ERBB4: variants seen among roughly 807,000 people sequenced by gnomAD.
The protein encoded by ERBB4 is erb-b2 receptor tyrosine kinase 4, also known as receptor tyrosine-protein kinase erbB-4.
A neutral mutation model predicts 158.0 loss-of-function variants in ERBB4; 42 were observed. That is an observed-to-expected ratio of 0.27 (90% confidence interval 0.21 to 0.34). The LOEUF is 0.34. Among genes scored for constraint, ERBB4 ranks in the 10% least tolerant of loss-of-function variants. The pLI is 1.00. For synonymous variants in ERBB4, 583 were observed against 558.7 expected, an observed-to-expected ratio of 1.04 and a Z score of -0.61; for missense variants, 1,333 against 1,624.1, an observed-to-expected ratio of 0.82 and a Z score of 3.08.
At chr2:212,260,687 C>T (rs558030895) in intron 1 of ERBB4, among the ~76,000 whole-genome samples, 3 of 152,092 alleles carry the variant, frequency 2.0e-5, no homozygotes, top group African/African-American at 7.2e-5. Flanking sequence ...GTGGCGGGTG[C>T]TTGCAATCCA....
intron 3 of ERBB4, among the ~76,000 whole-genome samples, chr2:211,867,485 A>G (rs1036262257): frequency 6.6e-6 from 1 of 152,258 alleles, no homozygotes; most frequent in African/African-American, 2.4e-5. Context: ...TTTAAAATGT[A>G]AGTTTACAAA....
At chr2:212,189,229 T>C (rs555593249) in intron 1 of ERBB4, among the ~76,000 whole-genome samples, 2 of 152,320 alleles carry the variant, frequency 1.3e-5, no homozygotes, top group South Asian at 4.1e-4. Flanking sequence ...CATTTCAGAT[T>C]CTGCATTTTC....
At chr2:211,762,341 T>A (rs2075436226) in intron 4 of ERBB4, among the ~76,000 whole-genome samples, 1 of 152,208 alleles carries the variant, frequency 6.6e-6, no homozygotes. Context: ...GATTTCTGCA[T>A]CCTTTGACAA....
intron 1 of ERBB4, among the ~76,000 whole-genome samples, chr2:212,523,749 C>T (rs1406532652): frequency 1.3e-5 from 2 of 151,934 alleles, no homozygotes; most frequent in African/African-American, 4.8e-5. Context: ...TCAGAAATCA[C>T]AGAACTCAAT....
intron 12 of ERBB4, among the ~76,000 whole-genome samples, chr2:211,685,513 T>C (rs2105979289): frequency 6.6e-6 from 1 of 152,344 alleles, no homozygotes; most frequent in Admixed American, 6.5e-5. Flanking sequence ...ACAGCCTTAA[T>C]TATGGCAGCT....
intron 7 of ERBB4, among the ~76,000 whole-genome samples, chr2:211,718,685 C>A (rs1201049454): frequency 2.6e-5 from 4 of 151,478 alleles, no homozygotes; most frequent in Non-Finnish European, 5.9e-5. Context: ...TACTGATGAG[C>A]AATCATATTC....
chr2:212,083,793 G>C (rs753479200), intron 2 of ERBB4, among the ~76,000 whole-genome samples: 2 of 151,766 alleles, frequency 1.3e-5, no homozygotes, highest in Non-Finnish European at 2.9e-5. Context: ...ATAAACAGAA[G>C]GGAGTTTAGA....
intron 4 of ERBB4, among the ~76,000 whole-genome samples, chr2:211,763,669 G>A (rs1559496914): frequency 6.6e-6 from 1 of 151,872 alleles, no homozygotes; most frequent in Non-Finnish European, 1.5e-5. Flanking sequence ...CTGAGTTTTT[G>A]TTACAGATTG....
intron 24 of ERBB4, 27 bp downstream of exon 24, chr2:211,421,980 T>G (rs1419663631): frequency 6.9e-7 from 1 of 1,456,776 alleles, no homozygotes. Flanking sequence ...TGGCCTAGTC[T>G]TAAAGGCATA....
At chr2:211,578,916 G>A (rs568498550) in intron 19 of ERBB4, among the ~76,000 whole-genome samples, 4 of 151,504 alleles carry the variant, frequency 2.6e-5, no homozygotes, top group African/African-American at 7.2e-5. Context: ...TGAAATCACC[G>A]AAAGCAATTG....
chr2:212,127,449 G>A (rs964911456), intron 1 of ERBB4, among the ~76,000 whole-genome samples: 4 of 151,986 alleles, frequency 2.6e-5, no homozygotes, highest in Admixed American at 6.6e-5. Flanking sequence ...ACAATTAGCC[G>A]GGCCTGGTGG....
intron 20 of ERBB4, among the ~76,000 whole-genome samples, chr2:211,501,510 A>G (rs1005662301): frequency 6.6e-6 from 1 of 151,436 alleles, no homozygotes; most frequent in Non-Finnish European, 1.5e-5. Context: ...AAAAAACAGC[A>G]TAAATCAAGA....
At chr2:212,422,610 C>G (rs756640575) in intron 1 of ERBB4, among the ~76,000 whole-genome samples, 1 of 152,180 alleles carries the variant, frequency 6.6e-6, no homozygotes, top group Non-Finnish European at 1.5e-5. Context: ...TTAGACAATA[C>G]TAACCAACTT....
intron 1 of ERBB4, among the ~76,000 whole-genome samples, chr2:212,168,581 A>G (rs2081419809): frequency 6.6e-6 from 1 of 152,190 alleles, no homozygotes; most frequent in African/African-American, 2.4e-5. Context: ...TCAGCAAATT[A>G]GGATACGAGT....
intron 1 of ERBB4, among the ~76,000 whole-genome samples, chr2:212,151,760 A>G (rs898813983): frequency 6.6e-6 from 1 of 152,178 alleles, no homozygotes; most frequent in East Asian, 1.9e-4. Context: ...ATGGTGGCAC[A>G]TGCTGGTAAT....
intron 1 of ERBB4, among the ~76,000 whole-genome samples, chr2:212,368,162 T>C (rs188681826): frequency 1.2e-3 from 179 of 152,026 alleles, no homozygotes; most frequent in Non-Finnish European, 1.6e-3. Flanking sequence ...AATAGCAAAA[T>C]CGTGGAAGCA....
intron 3 of ERBB4, among the ~76,000 whole-genome samples, chr2:211,934,056 T>C (rs545549007): frequency 3.9e-5 from 6 of 152,040 alleles, no homozygotes; most frequent in Non-Finnish European, 7.4e-5. Flanking sequence ...TGCGTTTCAA[T>C]AATTTTAGAG....
At chr2:211,949,955 C>A (rs1271732263) in intron 2 of ERBB4, among the ~76,000 whole-genome samples, 1 of 152,082 alleles carries the variant, frequency 6.6e-6, no homozygotes, top group Non-Finnish European at 1.5e-5. Context: ...CCTATAAGTT[C>A]AAGCACTTTG....
rs1475972470 is a variant in ERBB4 at position 212,322,412 on chromosome 2, C to T, written c.83-197509G>A. 1.4e-5 allele frequency among the ~76,000 whole-genome samples: 2 copies of T among 146,698 alleles called. 1 individual carries two copies. The highest frequency in any genetic ancestry group is 3.0e-5 in the Non-Finnish European group (2 of 66,184). On this transcript the variant is annotated intron_variant, in intron 1 of 27. Coordinates refer to ENST00000342788, the MANE Select transcript of ERBB4 (RefSeq NM_005235.3). The stretch of plus-strand genomic sequence containing the variant: ...AAAAAATTGCCTTTCTCTTAAAATC[C>T]AAACCTCTTTAAAAGCTATAAAAAA...
Sources: gnomAD v4.1 joint callset for allele counts (sites outside exome capture counted in the v4.1 genomes callset) on GRCh38, gnomAD v4.1.1 for gene constraint, MANE v1.5 for transcripts, NCBI Gene and HGNC (gene_info 2026-07-23, HGNC 2026-07-21) for gene names.